The following SP140 variants were observed in gnomAD, a reference collection of about 807,000 sequenced individuals.
SP140 encodes the protein nuclear body protein SP140.
In SP140, 81 loss-of-function variants were observed where a neutral mutation model predicts 125.0. The ratio of observed to expected loss-of-function variants is 0.65; its 90% CI spans 0.54 to 0.78. The LOEUF (loss-of-function observed/expected upper bound fraction) is 0.78. SP140 is among the 30% of genes least tolerant of loss of function. The pLI, the probability that SP140 is intolerant of heterozygous loss-of-function variation, is 0.00. For missense variants in SP140, 858 were observed against 1,037.0 expected (o/e 0.83, Z 2.37); for synonymous variants, 312 against 354.0 (o/e 0.88, Z 1.33).
intron 1 of SP140, among the ~76,000 whole-genome samples, chr2:230,206,617 A>ATATATATATATATATATG (rs2148888187): frequency 8.3e-6 from 1 of 121,054 alleles, no homozygotes; most frequent in South Asian, 2.8e-4. Context: ...ATATATATAT[A>ATATATATATATATATATG]TATATATATA....
At chr2:230,298,877 C>T (rs1020840321) in intron 22 of SP140, among the ~76,000 whole-genome samples, 1 of 152,216 alleles carries the variant, frequency 6.6e-6, no homozygotes, top group African/African-American at 2.4e-5. Context: ...ATTGCCTATT[C>T]TGTCACCTAA....
At chr2:230,222,783 AC>A (rs984529866), upstream of SP140, among the ~76,000 whole-genome samples, 2 of 149,926 alleles carry the variant, frequency 1.3e-5, no homozygotes, top group Non-Finnish European at 3.0e-5. Context: ...TAAGGCCAGC[AC>A]CAGGCAACCA....
Position 230,290,436 on chromosome 2 carries a change from G to C in SP140, c.1721-24G>C, listed in dbSNP as rs756650111. On this transcript the variant is annotated intron_variant, in intron 18 of 26. Transcript: ENST00000392045. Reference sequence around the variant, plus strand: ...GGACGTGCCTTTGCAAAGTGAGACAGAATGAAGAAATCCTCTCTTTCAGCT... The same window carrying C: ...GGACGTGCCTTTGCAAAGTGAGACACAATGAAGAAATCCTCTCTTTCAGCT... 1.1e-5 allele frequency: 18 copies of C among 1,609,446 alleles called. No individual in the cohort carries two copies. In the South Asian group the frequency reaches 1.5e-4, roughly 14 times the overall value.
At chr2:230,239,053 G>A in intron 3 of SP140, 1 of 1,403,068 alleles carries the variant, frequency 7.1e-7, no homozygotes. Flanking sequence ...AATAAAGAAG[G>A]AATAAAGGGC....
chr2:230,304,990 A>G (rs2058620234), intron 22 of SP140, among the ~76,000 whole-genome samples: 1 of 152,228 alleles, frequency 6.6e-6, no homozygotes, highest in Admixed American at 6.5e-5. Flanking sequence ...AGGAGAAAAT[A>G]TTTGCAAACT....
intron 24 of SP140, 84 bp downstream of exon 24, chr2:230,310,935 T>C: frequency 1.4e-6 from 1 of 740,382 alleles, no homozygotes; most frequent in Non-Finnish European, 2.2e-6. Context: ...GGGAATGTAC[T>C]GAAAGGAGCC....
At chr2:230,298,555 A>G (rs1450430361) in intron 22 of SP140, among the ~76,000 whole-genome samples, 2 of 152,184 alleles carry the variant, frequency 1.3e-5, no homozygotes, top group Non-Finnish European at 1.5e-5. Context: ...TAGGTTTCAC[A>G]GCTCACAGCC....
intron 7 of SP140, 117 bp downstream of exon 7, chr2:230,246,057 CCAT>C (rs758797838): frequency 8.2e-5 from 54 of 656,244 alleles, no homozygotes; most frequent in Non-Finnish European, 1.1e-4. Context: ...ATCCATCCAT[CCAT>C]CCATTCATCC....
intron 15 of SP140, among the ~76,000 whole-genome samples, chr2:230,278,409 C>G (rs2055039194): frequency 6.6e-6 from 1 of 151,956 alleles, no homozygotes; most frequent in South Asian, 2.1e-4. Flanking sequence ...TAACCCTTAT[C>G]AAATACATGG....
At chr2:230,281,476 TA>T (rs2055537626) in intron 15 of SP140, among the ~76,000 whole-genome samples, 1 of 152,340 alleles carries the variant, frequency 6.6e-6, no homozygotes, top group South Asian at 2.1e-4. Context: ...TGAGTTCTTA[TA>T]ACTGCATTTT....
chr2:230,243,402 A>G (rs1281628152), intron 4 of SP140, among the ~76,000 whole-genome samples: 1 of 152,220 alleles, frequency 6.6e-6, no homozygotes, highest in African/African-American at 2.4e-5. Context: ...AGAGAAATGC[A>G]TCTAGGAAAG....
chr2:230,248,221 A>G (rs943977599), intron 8 of SP140, among the ~76,000 whole-genome samples, 156 bp downstream of exon 8: 2 of 152,220 alleles, frequency 1.3e-5, no homozygotes, highest in African/African-American at 4.8e-5. Flanking sequence ...TAACATCGAT[A>G]TGCAAACAGC....
chr2:230,255,769 C>T (rs868374949), intron 12 of SP140, among the ~76,000 whole-genome samples: 43 of 152,162 alleles, frequency 2.8e-4, no homozygotes, highest in African/African-American at 1.0e-3. Flanking sequence ...CATATGTGTT[C>T]AGGCAGTCTA....
chr2:230,237,246 G>A lies in SP140; in HGVS notation c.223G>A (p.Glu75Lys), dbSNP rs771219707. ...CCTCCGAGACCGCTCCTTCATCTCC[G>A]AGCAGATGTATGAAGTAAGTAAGAA... ...MGLRDRSFIS[E>K]QMYEHFQEAF... Residue 75 changes from glutamate (E) to lysine (K), a missense_variant, in exon 2 of 27, where the codon GAG becomes AAG. This residue lies in a region of SP140 where 791 missense variants were observed against 869.5 expected (regional missense o/e 0.91). Transcript: ENST00000392045. This position sits in a 1 kb window ranked among gnomAD's most constrained non-coding sequence, Gnocchi z 5.4. The A allele has an allele frequency of 4.3e-6, 7 of 1,610,888 alleles. No homozygotes were observed. Among genetic ancestry groups the A allele is most frequent in the African/African-American group, 1.3e-5 (1 of 74,494 alleles).
upstream of SP140, chr2:230,201,114 G>C: frequency 8.3e-6 from 6 of 724,948 alleles, no homozygotes; most frequent in South Asian, 8.8e-5. Context: ...AAGAGATTTG[G>C]TGCTGCTCAT....
Position 230,269,538 on chromosome 2 carries a change from G to C in SP140, c.1247G>C (p.Ser416Thr), listed in dbSNP as rs777890404. ...TTTTCTTGTTTCTCATTAGTGTCTA[G>C]TGAACTAGAAAATCACCCAATGAAT... ...SSLARRGSVS[S>T]ELENHPMNEE... Residue 416 changes from serine (S) to threonine (T), a missense_variant, in exon 13 of 27, where the codon AGT becomes ACT. Transcript: ENST00000392045. The C allele has an allele frequency of 1.9e-6, 3 of 1,600,372 alleles. No individual in the cohort carries two copies. The South Asian group carries it at 3.3e-5, about 18-fold the overall frequency.
rs540763505 is a variant in SP140 at position 230,258,290 on chromosome 2, T to C, written c.1240+2758T>C. On this transcript the variant is annotated intron_variant, in intron 12 of 26. Transcript: ENST00000392045. ...ATTCCCCTTCACTGAGTAGGAGTTATAGAGTTGCTAGATTGAGAGTGTTAT... is the reference window on the plus strand; with the variant it reads ...ATTCCCCTTCACTGAGTAGGAGTTACAGAGTTGCTAGATTGAGAGTGTTAT... 6.6e-5 allele frequency among the ~76,000 whole-genome samples: 10 copies of C among 152,306 alleles called. No homozygotes were observed. In the South Asian group the frequency reaches 2.1e-3, roughly 32 times the overall value.
At chr2:230,222,704 A>G (rs965958870), upstream of SP140, among the ~76,000 whole-genome samples, 2 of 152,020 alleles carry the variant, frequency 1.3e-5, no homozygotes, top group African/African-American at 4.8e-5. Flanking sequence ...TCAAAAAAAA[A>G]AAAAAAGATA....
Position 230,245,952 on chromosome 2 carries a change from T to G in SP140, c.742+12T>G, listed in dbSNP as rs751179264. On this transcript the variant is annotated intron_variant, in intron 7 of 26. Coordinates refer to ENST00000392045, the MANE Select transcript of SP140 (RefSeq NM_007237.5). The stretch of plus-strand genomic sequence containing the variant: ...TTATGATACAGAAGGTAATTAGGAT[T>G]TAAATTAAAGCTTTATTTTTCTGTC... 3.3e-6 allele frequency: 5 copies of G among 1,520,122 alleles called. No individual in the cohort carries two copies. The highest frequency in any genetic ancestry group is 4.6e-6 in the Non-Finnish European group (5 of 1,094,684). The allele number at this position is 1,520,122 out of a possible 1,614,324, so 94.2% of individuals were successfully genotyped here.
Sources: gnomAD v4.1 joint callset for allele counts (sites outside exome capture counted in the v4.1 genomes callset) on GRCh38, gnomAD v4.1.1 for gene constraint, gnomAD v4.1.1 regional missense constraint, Gnocchi (gnomAD v3.1) non-coding constraint, MANE v1.5 for transcripts, NCBI Gene and HGNC (gene_info 2026-07-23, HGNC 2026-07-21) for gene names.